EPB41: variants seen among roughly 807,000 people sequenced by gnomAD.
EPB41 encodes erythrocyte membrane protein band 4.1, also known as protein 4.1.
Under a neutral mutation model 108.0 loss-of-function variants are expected in EPB41, and 65 were observed. The observed-to-expected ratio is 0.60, with a 90% CI of 0.49 to 0.74. The LOEUF is 0.74. EPB41 is among the 30% of genes least tolerant of loss of function. The probability of loss-of-function intolerance (pLI) is 0.00; values close to 1 mark genes in which losing one functional copy is unlikely to be tolerated. For synonymous variants in EPB41, 336 were observed against 358.9 expected, an observed-to-expected ratio of 0.94 and a Z score of 0.72; for missense variants, 875 against 1,037.0, an observed-to-expected ratio of 0.84 and a Z score of 2.15.
intron 16 of EPB41, chr1:29,096,728 C>A: frequency 8.7e-6 from 3 of 346,022 alleles, no homozygotes; most frequent in Non-Finnish European, 1.2e-5. Flanking sequence ...TTCAAAATCA[C>A]AGACTAAAAG....
chr1:29,002,286 C>T (rs753658532), intron 4 of EPB41, among the ~76,000 whole-genome samples: 2 of 151,752 alleles, frequency 1.3e-5, no homozygotes, highest in Non-Finnish European at 2.9e-5. Context: ...CCTGTCTCTA[C>T]CAAAAATGAA....
At position 29,018,447 on chromosome 1, in the gene EPB41, A is replaced by C; in HGVS notation, c.1124+5A>C. ...GGAACTGCATAAGTCATACAGGTGA[A>C]TATGTCTCCAGGGTTTGTTCGGTGT... On this transcript the variant is annotated splice_donor_5th_base_variant and intron_variant, in intron 7 of 20. Transcript: ENST00000343067. This position sits in a 1 kb window ranked among gnomAD's most constrained non-coding sequence, Gnocchi z 4.4. 1 of 1,612,964 alleles carries C rather than the reference A, an allele frequency of 6.2e-7. No individual in the cohort carries two copies. The highest frequency in any genetic ancestry group is 8.5e-7 in the Non-Finnish European group (1 of 1,179,622).
rs746897420 is a variant in EPB41 at position 29,065,027 on chromosome 1, A to G, written c.2053A>G (p.Ile685Val). Residue 685 changes from isoleucine (I) to valine (V), a missense_variant, in exon 16 of 21, where the codon ATC (isoleucine) becomes GTC (valine). Coordinates refer to ENST00000343067, the MANE Select transcript of EPB41 (RefSeq NM_001376013.1). The stretch of plus-strand genomic sequence containing the variant: ...GGAGATCAAAAAACATCATGCCAGC[A>G]TCAGTGAGCTGAAAAAGAACTTCAT... Reference protein sequence around the residue: ...QEEIKKHHASISELKKNFMES... With the variant: ...QEEIKKHHASVSELKKNFMES... 3 of 1,614,192 alleles carry G rather than the reference A, an allele frequency of 1.9e-6. No homozygotes were observed. The highest frequency in any genetic ancestry group is 2.5e-6 in the Non-Finnish European group (3 of 1,180,034).
At chr1:29,029,846 T>G (rs2096766675) in intron 7 of EPB41, among the ~76,000 whole-genome samples, 1 of 152,252 alleles carries the variant, frequency 6.6e-6, no homozygotes, top group Admixed American at 6.5e-5. Context: ...CAGGACACCA[T>G]CTGTTACCAG....
At chr1:29,047,984 A>AT (rs1261106639) in intron 11 of EPB41, among the ~76,000 whole-genome samples, 1 of 151,624 alleles carries the variant, frequency 6.6e-6, no homozygotes, top group African/African-American at 2.4e-5. Context: ...AGGTTTCACC[A>AT]TGTTGGTCAG....
Position 29,011,877 on chromosome 1 carries a change from T to C in EPB41, c.799T>C (p.Ser267Pro). The C allele has an allele frequency of 1.2e-6, 2 of 1,614,170 alleles. No individual in the cohort carries two copies. Among genetic ancestry groups the C allele is most frequent in the South Asian group, 2.2e-5 (2 of 91,086 alleles). Residue 267 changes from serine (S) to proline (P), a missense_variant, in exon 5 of 21, where the codon TCC becomes CCC. Physicochemically the swap from Ser to Pro is moderately conservative, Grantham distance 74. Transcript: ENST00000343067. Reference sequence around the variant, plus strand: ...CTCCTTTTTACAGACATGGCTGGATTCCGCCAAAGAAATAAAAAAGCAGGT... The same window carrying C: ...CTCCTTTTTACAGACATGGCTGGATCCCGCCAAAGAAATAAAAAAGCAGGT... Reference protein sequence around the residue: ...DNATSKTWLDSAKEIKKQVRG... With the variant: ...DNATSKTWLDPAKEIKKQVRG...
At chr1:28,931,940 A>G (rs1471234667) in intron 1 of EPB41, among the ~76,000 whole-genome samples, 3 of 152,248 alleles carry the variant, frequency 2.0e-5, no homozygotes, top group African/African-American at 7.2e-5. Flanking sequence ...CCTGAGCTTA[A>G]GCTTATTTTA....
chr1:28,987,717 G>T lies in EPB41; in HGVS notation c.280G>T (p.Val94Leu). 1 of 1,614,214 alleles carries T rather than the reference G, an allele frequency of 6.2e-7. No individual in the cohort carries two copies. The highest frequency in any genetic ancestry group is 8.5e-7 in the Non-Finnish European group (1 of 1,180,054). The change falls in exon 2 of 21, where the codon GTG becomes TTG. Residue 94 changes from valine (V) to leucine (L), a missense_variant. This residue lies in a region of EPB41 where 353 missense variants were observed against 393.2 expected (regional missense o/e 0.90). Transcript: ENST00000343067. ...SSFLKRPKSQ[V>L]SEEEGKEVES... is the part of the protein sequence containing the mutation. ...GTTTCTCAAAAGGCCCAAATCTCAG[G>T]TGTCCGAGGAAGAAGGCAAAGAAGT...
In EPB41 at chr1:29,115,649, C is replaced by A; in HGVS notation, c.2497-50C>A. Reference sequence around the variant, plus strand: ...AGAAATGATGACCACTGCCTTCCTTCGCCATCAGGCTATTTTCTGCCTCAT... The same window carrying A: ...AGAAATGATGACCACTGCCTTCCTTAGCCATCAGGCTATTTTCTGCCTCAT... On this transcript the variant is annotated intron_variant, in intron 19 of 20. Transcript: ENST00000343067. The surrounding 1 kb of genome is among the most constrained non-coding windows in gnomAD (Gnocchi z 4.4). The A allele has an allele frequency of 6.9e-7, 1 of 1,458,202 alleles. No individual in the cohort carries two copies. The highest frequency in any genetic ancestry group is 9.6e-7 in the Non-Finnish European group (1 of 1,040,184). 90.3% of individuals were successfully genotyped at this position (1,458,202 alleles called of 1,614,324 possible). A position where few individuals can be genotyped will look rare whatever the true frequency, so the allele number is the denominator to read the frequency against.
At chr1:29,037,469 A>G (rs1041457114) in intron 10 of EPB41, among the ~76,000 whole-genome samples, 17 of 152,214 alleles carry the variant, frequency 1.1e-4, no homozygotes, top group African/African-American at 4.1e-4. Flanking sequence ...CATTGGGAAT[A>G]TACTACAAGA....
chr1:28,946,648 G>A (rs372077829), intron 1 of EPB41, among the ~76,000 whole-genome samples: 25 of 152,080 alleles, frequency 1.6e-4, no homozygotes, highest in Admixed American at 1.1e-3. Context: ...TTGAAATAGC[G>A]ACTCTATTTT....
intron 10 of EPB41, among the ~76,000 whole-genome samples, chr1:29,037,011 A>C (rs1639751092): frequency 6.6e-6 from 1 of 151,376 alleles, no homozygotes; most frequent in African/African-American, 2.4e-5. Context: ...CTTCACTCTA[A>C]TGAAACCCAG....
chr1:29,064,398 A>G (rs1647004955), intron 15 of EPB41, among the ~76,000 whole-genome samples: 1 of 152,212 alleles, frequency 6.6e-6, no homozygotes. Context: ...TTCTTACATC[A>G]AAAAAGGGCT....
intron 1 of EPB41, among the ~76,000 whole-genome samples, chr1:28,980,209 G>A (rs1024183952): frequency 1.3e-5 from 2 of 152,030 alleles, no homozygotes; most frequent in African/African-American, 2.4e-5. Flanking sequence ...TTGGTGGTGC[G>A]TGCTTGTAGT....
chr1:28,931,970 A>G (rs2093773475), intron 1 of EPB41, among the ~76,000 whole-genome samples: 1 of 152,228 alleles, frequency 6.6e-6, no homozygotes, highest in Non-Finnish European at 1.5e-5. Context: ...CTACTTCTGC[A>G]TAGTAAGTAA....
Position 29,064,964 on chromosome 1 carries a change from T to C in EPB41, c.2008-18T>C, listed in dbSNP as rs1647094420. The C allele has an allele frequency of 6.2e-7, 1 of 1,613,610 alleles. No homozygotes were observed. Among genetic ancestry groups the C allele is most frequent in the Admixed American group, 1.7e-5 (1 of 60,008 alleles). Reference sequence around the variant, plus strand: ...CCTGATTGTGTATTGTTTTGCATCTTTGTCCTTTCAACTGTAGGATTTAGA... The same window carrying C: ...CCTGATTGTGTATTGTTTTGCATCTCTGTCCTTTCAACTGTAGGATTTAGA... On this transcript the variant is annotated intron_variant, in intron 15 of 20. Coordinates refer to ENST00000343067, the MANE Select transcript of EPB41 (RefSeq NM_001376013.1).
chr1:28,906,600 T>C lies in EPB41; in HGVS notation c.-8+19390T>C, dbSNP rs115471144. On this transcript the variant is annotated intron_variant, in intron 1 of 16. Transcript: ENST00000347529. ...GTCCCAGGGCTATTATCAGAAGTAG[T>C]CAGGACAGCCTTTCCCTGAGGTCTT... 7.2e-3 allele frequency among the ~76,000 whole-genome samples: 1,095 copies of C among 152,170 alleles called. 17 individuals are homozygous for C. The highest frequency in any genetic ancestry group is 0.023 in the African/African-American group (946 of 41,496).
intron 15 of EPB41, among the ~76,000 whole-genome samples, chr1:29,062,038 C>T (rs546355675): frequency 2.4e-4 from 36 of 152,246 alleles, no homozygotes; most frequent in Non-Finnish European, 3.8e-4. Context: ...ACATGTATTG[C>T]GTGGTGGGTG....
At position 29,031,867 on chromosome 1, in the gene EPB41, G is replaced by A. The variant is rs574928506; in HGVS notation, c.1213-1226G>A. 9 of 152,224 alleles carry A rather than the reference G, an allele frequency of 5.9e-5. No individual in the cohort carries two copies. The South Asian group carries it at 1.2e-3, about 21-fold the overall frequency. 9.4% of individuals were successfully genotyped at this position (152,224 alleles called of 1,614,324 possible). A position where few individuals can be genotyped will look rare whatever the true frequency, so the allele number is the denominator to read the frequency against. On this transcript the variant is annotated intron_variant, in intron 8 of 20. Coordinates refer to ENST00000343067, the MANE Select transcript of EPB41 (RefSeq NM_001376013.1). ...TCCCAACAATTTGGGAGGCTGAGGC[G>A]GCCGATCGCTCAAGCTCAGGAATTC...
Sources: allele counts gnomAD v4.1 joint callset (sites outside exome capture counted in the v4.1 genomes callset), GRCh38; gene constraint gnomAD v4.1.1; regional missense constraint gnomAD v4.1.1; non-coding constraint Gnocchi (gnomAD v3.1); transcripts MANE v1.5; gene names NCBI Gene and HGNC (gene_info 2026-07-23, HGNC 2026-07-21).